The following KAT7 variants were observed in gnomAD, a reference collection of about 807,000 sequenced individuals.
The protein encoded by KAT7 is histone acetyltransferase KAT7.
KAT7 carries 10 observed loss-of-function variants against 82.1 expected under a neutral mutation model. The ratio of observed to expected loss-of-function variants is 0.12; its 90% CI spans 0.08 to 0.21. The LOEUF is 0.21. Ranked by LOEUF, KAT7 falls within the 10% of genes least tolerant of loss-of-function variation. The pLI is 1.00. For missense variants in KAT7, 378 were observed against 760.9 expected (o/e 0.50, Z 5.92); for synonymous variants, 250 against 262.5 (o/e 0.95, Z 0.46).
At chr17:49,804,584 T>A (rs573002227) in intron 4 of KAT7, among the ~76,000 whole-genome samples, 113 of 152,186 alleles carry the variant, frequency 7.4e-4, no homozygotes, top group African/African-American at 2.5e-3. Context: ...AAGACCAGCC[T>A]GGGCAACACT....
At chr17:49,805,505 C>A in intron 5 of KAT7, 60 bp downstream of exon 5, 2 of 1,224,826 alleles carry the variant, frequency 1.6e-6, no homozygotes, top group Non-Finnish European at 2.4e-6. Flanking sequence ...TTGCCAGGCA[C>A]TTTGCTGAAC....
rs2074395840 is a variant in KAT7 at position 49,828,654 on chromosome 17, T to C, written c.*1152T>C. 1 of 152,654 alleles carries C rather than the reference T, an allele frequency of 6.6e-6. No individual in the cohort carries two copies. Among genetic ancestry groups the C allele is most frequent in the African/African-American group, 2.4e-5 (1 of 41,438 alleles). 9.5% of individuals were successfully genotyped at this position (152,654 alleles called of 1,614,324 possible). A position where few individuals can be genotyped will look rare whatever the true frequency, so the allele number is the denominator to read the frequency against. On this transcript the variant is annotated 3_prime_UTR_variant, in exon 15 of 15. Transcript: ENST00000259021. ...CCTTTTTGGGATTTGTCACCATCCT[T>C]CTATTCTCTGGTCTTCTATTTTTGG...
chr17:49,800,287 A>G (rs1189998241), intron 4 of KAT7, among the ~76,000 whole-genome samples: 1 of 152,186 alleles, frequency 6.6e-6, no homozygotes, highest in Non-Finnish European at 1.5e-5. Context: ...CTGGGATTAC[A>G]GGCATGAGCC....
chr17:49,832,102 CCCA>C lies in KAT7; in HGVS notation c.*4606_*4608del, dbSNP rs1435340713. On this transcript the variant is annotated 3_prime_UTR_variant, in exon 15 of 15. Coordinates refer to ENST00000259021, the MANE Select transcript of KAT7 (RefSeq NM_007067.5). ...TCCCAAGTAGCTGGGATTACAGGTG[CCCA>C]CCACCTCGCCTGGCTAATTTTTGTA... is the stretch of plus-strand genomic sequence containing the variant. 6 of 152,202 alleles carry C rather than the reference CCCA, an allele frequency of 3.9e-5. No individual in the cohort carries two copies. Among genetic ancestry groups the C allele is most frequent in the African/African-American group, 1.2e-4 (5 of 41,456 alleles). The allele number at this position is 152,202 out of a possible 1,614,324, so 9.4% of individuals were successfully genotyped here. A position where few individuals can be genotyped will look rare whatever the true frequency, so the allele number is the denominator to read the frequency against.
At chr17:49,800,816 C>T (rs2074015262) in intron 4 of KAT7, among the ~76,000 whole-genome samples, 1 of 151,876 alleles carries the variant, frequency 6.6e-6, no homozygotes, top group African/African-American at 2.4e-5. Flanking sequence ...ACTGGGAGTA[C>T]TGAGGGTAGG....
At chr17:49,818,035 C>G (rs1435830118) in intron 9 of KAT7, 24 bp downstream of exon 9, 2 of 1,593,412 alleles carry the variant, frequency 1.3e-6, no homozygotes, top group Non-Finnish European at 1.7e-6. Context: ...GGTTCCTCTG[C>G]CTTGACCATG....
At chr17:49,792,613 C>G (rs1342900583) in intron 2 of KAT7, among the ~76,000 whole-genome samples, 1 of 152,134 alleles carries the variant, frequency 6.6e-6, no homozygotes, top group Admixed American at 6.5e-5. Context: ...AACTCCCAGT[C>G]AGCCATTTGA....
At chr17:49,817,116 T>C (rs2074244327) in intron 8 of KAT7, among the ~76,000 whole-genome samples, 1 of 152,224 alleles carries the variant, frequency 6.6e-6, no homozygotes, top group East Asian at 1.9e-4. Context: ...TTATAAAAGC[T>C]TCTGCAGATA....
At position 49,833,205 on chromosome 17, in the gene KAT7, T is replaced by C. The variant is rs2074438324; in HGVS notation, c.*5703T>C. ...GAATGGAGAAAATAACCTGTACTAT[T>C]GTACAACTCTGGCTCCATGGCTCCT... On this transcript the variant is annotated 3_prime_UTR_variant, in exon 15 of 15. Transcript: ENST00000259021. 1 of 152,252 alleles carries C rather than the reference T, an allele frequency of 6.6e-6. No homozygotes were observed. The highest frequency in any genetic ancestry group is 1.5e-5 in the Non-Finnish European group (1 of 68,044). 9.4% of individuals were successfully genotyped at this position (152,252 alleles called of 1,614,324 possible). A position where few individuals can be genotyped will look rare whatever the true frequency, so the allele number is the denominator to read the frequency against.
At chr17:49,793,621 C>T (rs866262979) in intron 2 of KAT7, among the ~76,000 whole-genome samples, 2 of 143,964 alleles carry the variant, frequency 1.4e-5, no homozygotes, top group Non-Finnish European at 3.0e-5. Context: ...TGTTGCCAGG[C>T]GGAGTGCAGT....
At chr17:49,821,911 CT>C in intron 11 of KAT7, 121 bp downstream of exon 11, 1 of 799,432 alleles carries the variant, frequency 1.3e-6, no homozygotes, top group Non-Finnish European at 2.0e-6. Context: ...ACACCCCTTC[CT>C]TAAATTAAAA....
At chr17:49,811,406 C>T (rs1055442516) in intron 6 of KAT7, 70 bp from the exon 7 acceptor site, 13 of 794,410 alleles carry the variant, frequency 1.6e-5, no homozygotes, top group Non-Finnish European at 2.6e-5. Context: ...TGTGCCGGGC[C>T]TTGGCACTTT....
chr17:49,790,815 C>T (rs2073878055), intron 1 of KAT7, among the ~76,000 whole-genome samples: 1 of 152,222 alleles, frequency 6.6e-6, no homozygotes, highest in South Asian at 2.1e-4. Context: ...CTAAACACAA[C>T]TGGCCCTCAG....
At position 49,811,553 on chromosome 17, in the gene KAT7, A is replaced by G. The variant is rs761784593; in HGVS notation, c.831A>G (p.Lys277=). Residue 277 remains lysine, a synonymous_variant, in exon 7 of 15, where the codon AAA becomes AAG. Coordinates refer to ENST00000259021, the MANE Select transcript of KAT7 (RefSeq NM_007067.5). ...AGAAAAGAAATTCTGGACTGAGCAA[A>G]GAACAGAAAGAGAAATATATGGTGA... The part of the protein sequence containing the change: ...LRKKRNSGLS[K]EQKEKYMEHR... The G allele has an allele frequency of 6.6e-7, 1 of 1,519,132 alleles. No individual in the cohort carries two copies. The highest frequency in any genetic ancestry group is 8.9e-7 in the Non-Finnish European group (1 of 1,127,746). 94.1% of individuals were successfully genotyped at this position (1,519,132 alleles called of 1,614,324 possible).
Position 49,788,802 on chromosome 17 carries a change from C to A in KAT7, c.-33C>A, listed in dbSNP as rs374568788. On this transcript the variant is annotated 5_prime_UTR_variant, in exon 1 of 15. Transcript: ENST00000259021. ...CGTTCCTGCTGCTGCCGCCGCTGCCCGAATCGGAACCGTCGGGCCGCAGCC... is the reference window on the plus strand; with the variant it reads ...CGTTCCTGCTGCTGCCGCCGCTGCCAGAATCGGAACCGTCGGGCCGCAGCC... The A allele has an allele frequency of 2.5e-6, 4 of 1,577,132 alleles. No homozygotes were observed. Among genetic ancestry groups the A allele is most frequent in the Non-Finnish European group, 3.4e-6 (4 of 1,161,348 alleles).
At chr17:49,808,072 C>T (rs561191423) in intron 5 of KAT7, among the ~76,000 whole-genome samples, 1 of 149,992 alleles carries the variant, frequency 6.7e-6, no homozygotes, top group South Asian at 2.1e-4. Flanking sequence ...TGTCTGAGGT[C>T]ATGTAACTAC....
At chr17:49,814,076 G>A (rs1358013574) in intron 7 of KAT7, among the ~76,000 whole-genome samples, 1 of 152,072 alleles carries the variant, frequency 6.6e-6, no homozygotes, top group Non-Finnish European at 1.5e-5. Flanking sequence ...AATTTTAGTA[G>A]AGACAGGGTT....
chr17:49,805,219 C>T, intron 4 of KAT7, 144 bp from the exon 5 acceptor site: 2 of 599,082 alleles, frequency 3.3e-6, no homozygotes, highest in Non-Finnish European at 5.9e-6. Context: ...ATAGCCCTAC[C>T]AGCCTTATGT....
intron 4 of KAT7, among the ~76,000 whole-genome samples, chr17:49,800,133 T>C (rs566842995): frequency 6.8e-6 from 1 of 148,138 alleles, no homozygotes; most frequent in East Asian, 2.0e-4. Flanking sequence ...TGCCTCAGCC[T>C]CTCGAGTAGC....
Sources: allele counts gnomAD v4.1 joint callset (sites outside exome capture counted in the v4.1 genomes callset), GRCh38; gene constraint gnomAD v4.1.1; transcripts MANE v1.5; gene names NCBI Gene and HGNC (gene_info 2026-07-23, HGNC 2026-07-21).